Variants in TWSG1 observed in about 807,000 individuals in gnomAD.
TWSG1 encodes the protein twisted gastrulation BMP signaling modulator 1.
TWSG1 carries 15 observed loss-of-function variants against 23.0 expected under a neutral mutation model. The observed-to-expected ratio is 0.65, with a 90% CI of 0.44 to 1.00. TWSG1 has a LOEUF of 1.00. TWSG1 is among the 50% of genes least tolerant of loss of function. The pLI is 0.00. For missense variants in TWSG1, 242 were observed against 278.7 expected (o/e 0.87, Z 0.94); for synonymous variants, 86 against 92.8 (o/e 0.93, Z 0.42).
intron 2 of TWSG1, among the ~76,000 whole-genome samples, chr18:9,344,531 A>ATGTGTTTGTATGTTTTTT: frequency 9.8e-6 from 1 of 102,094 alleles, no homozygotes; most frequent in East Asian, 3.1e-4. Context: ...GTATGTATGT[A>ATGTGTTTGTATGTTTTTT]TTTTTTTTTT....
intron 3 of TWSG1, among the ~76,000 whole-genome samples, chr18:9,365,929 C>T (rs1241459650): frequency 6.6e-6 from 1 of 152,012 alleles, no homozygotes; most frequent in Non-Finnish European, 1.5e-5. Flanking sequence ...TCACTTGAGC[C>T]CAGGAGCTTG....
Position 9,384,529 on chromosome 18 carries a change from AAAT to A in TWSG1, c.224-11748_224-11746del, listed in dbSNP as rs368011589. Among the ~76,000 whole-genome samples, 501 of 152,360 alleles carry A rather than the reference AAAT, an allele frequency of 3.3e-3. 2 individuals carry two copies. The highest frequency in any genetic ancestry group is 0.012 in the African/African-American group (481 of 41,582). On this transcript the variant is annotated intron_variant, in intron 3 of 4. Coordinates refer to ENST00000262120, the MANE Select transcript of TWSG1 (RefSeq NM_020648.6). ...TTCCACTTAGGATGCCAGTAAAATG[AAAT>A]AAAGGGATAAGATTGGAAATAACTC...
intron 4 of TWSG1, chr18:9,396,776 G>A (rs2040739062): frequency 5.0e-6 from 3 of 600,902 alleles, no homozygotes; most frequent in Non-Finnish European, 5.6e-6. Context: ...AAAAAGGCAT[G>A]TCGGCTGGGC....
intron 2 of TWSG1, among the ~76,000 whole-genome samples, chr18:9,355,052 T>G (rs2145603237): frequency 6.6e-6 from 1 of 152,128 alleles, no homozygotes; most frequent in African/African-American, 2.4e-5. Context: ...GCCTCCCAGG[T>G]TAACGCCATT....
chr18:9,356,851 A>G (rs1193003338), intron 2 of TWSG1, among the ~76,000 whole-genome samples: 2 of 152,070 alleles, frequency 1.3e-5, no homozygotes, highest in East Asian at 3.8e-4. Context: ...ATTTCAGATA[A>G]GGAATACTCA....
chr18:9,351,434 TGTTTCTTTG>T (rs969023280), intron 2 of TWSG1, among the ~76,000 whole-genome samples: 2 of 152,166 alleles, frequency 1.3e-5, no homozygotes, highest in African/African-American at 4.8e-5. Flanking sequence ...CATTATTTTA[TGTTTCTTTG>T]AAAAAAATTA....
intron 2 of TWSG1, among the ~76,000 whole-genome samples, chr18:9,356,170 G>A (rs1054185721): frequency 2.0e-5 from 3 of 151,950 alleles, no homozygotes; most frequent in East Asian, 1.9e-4. Flanking sequence ...AGCTTTTAAC[G>A]TTGTATTCTA....
At chr18:9,397,085 T>C (rs1006693106) in intron 4 of TWSG1, 1 of 153,638 alleles carries the variant, frequency 6.5e-6, no homozygotes, top group African/African-American at 2.4e-5. Flanking sequence ...TAAAGAGGCA[T>C]GTCAGCATAT....
At chr18:9,397,723 G>A (rs761125044) in intron 4 of TWSG1, among the ~76,000 whole-genome samples, 9 of 151,952 alleles carry the variant, frequency 5.9e-5, no homozygotes, top group Non-Finnish European at 1.0e-4. Context: ...AAAACAGTGC[G>A]GGCTGGGTGC....
chr18:9,346,159 C>A (rs554513124), intron 2 of TWSG1, among the ~76,000 whole-genome samples: 1 of 152,270 alleles, frequency 6.6e-6, no homozygotes, highest in East Asian at 1.9e-4. Flanking sequence ...TACCTCCCCC[C>A]AGTCCCCTAG....
chr18:9,390,764 A>G (rs1366934404), intron 3 of TWSG1, among the ~76,000 whole-genome samples: 2 of 152,194 alleles, frequency 1.3e-5, no homozygotes, highest in African/African-American at 4.8e-5. Flanking sequence ...ATAAACCCAG[A>G]GCTTTGGAAA....
rs777775055 is a variant in TWSG1 at position 9,360,110 on chromosome 18, T to C, written c.223+39T>C. The C allele has an allele frequency of 3.3e-6, 5 of 1,532,062 alleles. No individual in the cohort carries two copies. The South Asian group carries it at 5.6e-5, about 17-fold the overall frequency. 94.9% of individuals were successfully genotyped at this position (1,532,062 alleles called of 1,614,324 possible). On this transcript the variant is annotated intron_variant, in intron 3 of 4. Coordinates refer to ENST00000262120, the MANE Select transcript of TWSG1 (RefSeq NM_020648.6). The stretch of plus-strand genomic sequence containing the variant: ...AAGGGAGACTTCTTAATATTTCTTA[T>C]CACAGAATCCTTGGCTTTAAGAGAC...
chr18:9,366,890 T>A (rs1351476891), intron 3 of TWSG1, among the ~76,000 whole-genome samples: 1 of 152,206 alleles, frequency 6.6e-6, no homozygotes, highest in Non-Finnish European at 1.5e-5. Flanking sequence ...CTAATTAACA[T>A]ACATTACCTC....
At chr18:9,398,365 C>G (rs571339314) in intron 4 of TWSG1, among the ~76,000 whole-genome samples, 92 of 152,282 alleles carry the variant, frequency 6.0e-4, no homozygotes, top group Non-Finnish European at 1.2e-3. Context: ...AAAGTTTTTT[C>G]TCTGTGACAT....
chr18:9,385,639 A>G (rs1598833521), intron 3 of TWSG1, among the ~76,000 whole-genome samples: 1 of 32,838 alleles, frequency 3.0e-5, no homozygotes, highest in East Asian at 5.2e-4. Context: ...CAGTGAGCCG[A>G]GATTGCGCCA....
intron 3 of TWSG1, among the ~76,000 whole-genome samples, chr18:9,392,763 G>A (rs1270355646): frequency 6.6e-6 from 1 of 152,122 alleles, no homozygotes. Flanking sequence ...GTGAAAGAGA[G>A]CAGACAGACA....
chr18:9,366,101 G>A (rs2040577527), intron 3 of TWSG1, among the ~76,000 whole-genome samples: 1 of 152,184 alleles, frequency 6.6e-6, no homozygotes, highest in African/African-American at 2.4e-5. Context: ...AGCATGTCGT[G>A]GAACACTATA....
chr18:9,396,610 A>G (rs2040737799), intron 4 of TWSG1, 64 bp downstream of exon 4: 3 of 1,556,510 alleles, frequency 1.9e-6, no homozygotes, highest in Non-Finnish European at 2.6e-6. Flanking sequence ...TGTAATCTAT[A>G]AAACCTATAT....
intron 2 of TWSG1, among the ~76,000 whole-genome samples, chr18:9,343,016 G>A (rs981719956): frequency 6.6e-6 from 1 of 151,864 alleles, no homozygotes; most frequent in Non-Finnish European, 1.5e-5. Flanking sequence ...ATGCCAGTCT[G>A]TTTCTTATTC....
Sources: allele counts gnomAD v4.1 joint callset (sites outside exome capture counted in the v4.1 genomes callset), GRCh38; gene constraint gnomAD v4.1.1; transcripts MANE v1.5; gene names NCBI Gene and HGNC (gene_info 2026-07-23, HGNC 2026-07-21).